DLC1: variants seen among roughly 807,000 people sequenced by gnomAD.
The protein encoded by DLC1 is DLC1 Rho GTPase activating protein, also known as rho GTPase-activating protein 7.
A neutral mutation model predicts 140.3 loss-of-function variants in DLC1; 54 were observed. That is an observed-to-expected ratio of 0.38 (90% CI 0.31 to 0.48). DLC1 has a LOEUF of 0.48. DLC1 is among the 20% of genes least tolerant of loss of function. DLC1 has a pLI of 0.96. For synonymous variants in DLC1, 986 were observed against 728.1 expected, an observed-to-expected ratio of 1.35 and a Z score of -5.70; for missense variants, 2,536 against 1,907.0, an observed-to-expected ratio of 1.33 and a Z score of -6.14.
chr8:13,307,178 T>C (rs901178605), intron 4 of DLC1, among the ~76,000 whole-genome samples: 4 of 149,622 alleles, frequency 2.7e-5, no homozygotes, highest in Admixed American at 6.6e-5. Flanking sequence ...AATCTCAATC[T>C]ACATTTCGTT....
At chr8:13,370,448 G>A (rs1379835366) in intron 4 of DLC1, among the ~76,000 whole-genome samples, 1 of 152,078 alleles carries the variant, frequency 6.6e-6, no homozygotes, top group Non-Finnish European at 1.5e-5. Context: ...CTCATCTCAT[G>A]TCTAAAACCA....
At chr8:13,335,053 C>A (rs1454943) in intron 4 of DLC1, among the ~76,000 whole-genome samples, 1 of 152,060 alleles carries the variant, frequency 6.6e-6, no homozygotes, top group Non-Finnish European at 1.5e-5. Flanking sequence ...AGAGACAAGT[C>A]TGGACTCAGG....
At chr8:13,568,069 C>A in intron 1 of DLC1, 1 of 1,176,682 alleles carries the variant, frequency 8.5e-7, no homozygotes, top group Non-Finnish European at 1.2e-6. Context: ...TAAGAACTTT[C>A]ACTTTTTTTT....
chr8:13,346,898 G>T (rs953663163), intron 4 of DLC1, among the ~76,000 whole-genome samples: 1 of 152,196 alleles, frequency 6.6e-6, no homozygotes, highest in Admixed American at 6.5e-5. Context: ...ACTTTCTCCG[G>T]TTTCAGTTAC....
intron 1 of DLC1, among the ~76,000 whole-genome samples, chr8:13,507,714 A>C (rs1189406134): frequency 6.6e-5 from 10 of 152,218 alleles, no homozygotes; most frequent in Admixed American, 6.5e-4. Flanking sequence ...AAATTGCTTA[A>C]TGGAGATTAA....
At chr8:13,510,216 C>A (rs1431488774) in intron 1 of DLC1, among the ~76,000 whole-genome samples, 2 of 150,754 alleles carry the variant, frequency 1.3e-5, no homozygotes, top group African/African-American at 4.9e-5. Context: ...CTCTTGTCGC[C>A]CAGTCTGGAG....
At chr8:13,575,185 C>G (rs1176258538) in intron 1 of DLC1, among the ~76,000 whole-genome samples, 1 of 152,064 alleles carries the variant, frequency 6.6e-6, no homozygotes, top group African/African-American at 2.4e-5. Flanking sequence ...ATCATAAGCC[C>G]TGATTTTGAT....
intron 1 of DLC1, among the ~76,000 whole-genome samples, chr8:13,568,471 G>T (rs1193198672): frequency 1.3e-5 from 2 of 152,110 alleles, no homozygotes; most frequent in Non-Finnish European, 2.9e-5. Context: ...TTGCGCTTCA[G>T]AGGAAAGGTA....
intron 5 of DLC1, among the ~76,000 whole-genome samples, chr8:13,300,990 C>A (rs1007695872): frequency 6.6e-6 from 1 of 152,046 alleles, no homozygotes; most frequent in African/African-American, 2.4e-5. Flanking sequence ...GATGAGAGGG[C>A]GGTGCTGACA....
intron 5 of DLC1, among the ~76,000 whole-genome samples, chr8:13,182,306 C>T (rs1192674440): frequency 6.6e-6 from 1 of 152,010 alleles, no homozygotes; most frequent in African/African-American, 2.4e-5. Context: ...TTTTGCTGTG[C>T]AGAAGCTCTT....
At position 13,273,686 on chromosome 8, in the gene DLC1, CTGTGTGTGTG is replaced by C. The variant is rs59265902; in HGVS notation, c.1348+31573_1348+31582del. On this transcript the variant is annotated intron_variant, in intron 5 of 17. Coordinates refer to ENST00000276297, the MANE Select transcript of DLC1 (RefSeq NM_182643.3). The stretch of plus-strand genomic sequence containing the variant: ...ATCATTTGGGATAGCAGAACTGTGC[CTGTGTGTGTG>C]TGTGTGTGTGTGTGTGTGTGTGTGT... 5.3e-3 allele frequency among the ~76,000 whole-genome samples: 333 copies of C among 62,546 alleles called. 2 individuals are homozygous for C. The highest frequency in any genetic ancestry group is 0.02 in the African/African-American group (308 of 15,464). 41.0% of individuals were successfully genotyped at this position (62,546 alleles called of 152,430 possible).
intron 5 of DLC1, among the ~76,000 whole-genome samples, chr8:13,283,748 C>G (rs1163374793): frequency 6.6e-6 from 1 of 152,140 alleles, no homozygotes; most frequent in African/African-American, 2.4e-5. Context: ...CTCATGGGCT[C>G]AAACGATTCT....
At chr8:13,161,661 C>G in intron 5 of DLC1, among the ~76,000 whole-genome samples, 1 of 152,142 alleles carries the variant, frequency 6.6e-6, no homozygotes, top group Non-Finnish European at 1.5e-5. Flanking sequence ...TGTCCCTGCC[C>G]CTTCTGGTTT....
intron 5 of DLC1, among the ~76,000 whole-genome samples, chr8:13,198,903 G>A (rs967277545): frequency 7.2e-5 from 11 of 151,886 alleles, no homozygotes; most frequent in African/African-American, 2.4e-4. Context: ...TTTTAGTAGA[G>A]ACGGGGTTTC....
Position 13,100,394 on chromosome 8 carries a change from C to A in DLC1, c.1943G>T (p.Ser648Ile). 6.2e-7 allele frequency: 1 copy of A among 1,614,178 alleles called. No individual in the cohort carries two copies. Residue 648 changes from serine (S) to isoleucine (I), a missense_variant, in exon 9 of 18, where the codon AGC (serine) becomes ATC (isoleucine). Coordinates refer to ENST00000276297, the MANE Select transcript of DLC1 (RefSeq NM_182643.3). Reference protein sequence around the residue: ...GSLPSPKELSSFSFSMKGHEK... With the variant: ...GSLPSPKELSIFSFSMKGHEK... ...GTGGCCTTTCATGCTGAAGCTGAAG[C>A]TGGACAGTTCCTTGGGAGAGGGCAG...
chr8:13,094,910 C>T lies in DLC1; in HGVS notation c.3375G>A (p.Leu1125=). 3 of 1,614,222 alleles carry T rather than the reference C, an allele frequency of 1.9e-6. No individual in the cohort carries two copies. The highest frequency in any genetic ancestry group is 2.5e-6 in the Non-Finnish European group (3 of 1,180,038). ...CTATGGCACCTTCATTCATCTGGCGCAGAGCCTGAATCCGGGACTTGACCC... is the reference window on the plus strand; with the variant it reads ...CTATGGCACCTTCATTCATCTGGCGTAGAGCCTGAATCCGGGACTTGACCC... ...KSGVKSRIQA[L]RQMNEGAIDC... is the part of the protein sequence containing the mutation. The change falls in exon 12 of 18, where the codon CTG becomes CTA. Residue 1125 remains leucine, a synonymous_variant. Coordinates refer to ENST00000276297, the MANE Select transcript of DLC1 (RefSeq NM_182643.3).
At chr8:13,500,974 T>TA (rs1801785196) in intron 1 of DLC1, among the ~76,000 whole-genome samples, 2 of 152,196 alleles carry the variant, frequency 1.3e-5, no homozygotes, top group South Asian at 4.1e-4. Context: ...GTCCTGCTTC[T>TA]AAGGCCCAGA....
At chr8:13,506,581 G>GTGTGTGTATATATATATATATATATATA (rs1246764417) in intron 1 of DLC1, among the ~76,000 whole-genome samples, 8 of 131,130 alleles carry the variant, frequency 6.1e-5, no homozygotes, top group African/African-American at 2.6e-4. Context: ...GTGTGTGTGT[G>GTGTGTGTATATATATATATATATATATA]TATATATATA....
chr8:13,087,435 G>A (rs529436444), intron 16 of DLC1, among the ~76,000 whole-genome samples: 1 of 152,218 alleles, frequency 6.6e-6, no homozygotes, highest in Admixed American at 6.5e-5. Flanking sequence ...CTAACCAGAT[G>A]CAACTACTTG....
Sources: gnomAD v4.1 joint callset for allele counts (sites outside exome capture counted in the v4.1 genomes callset) on GRCh38, gnomAD v4.1.1 for gene constraint, MANE v1.5 for transcripts, NCBI Gene and HGNC (gene_info 2026-07-23, HGNC 2026-07-21) for gene names.